The following CCDC6 variants were observed in gnomAD, a reference collection of about 807,000 sequenced individuals.
The protein encoded by CCDC6 is coiled-coil domain-containing protein 6.
CCDC6 carries 20 observed loss-of-function variants against 56.6 expected under a neutral mutation model. The ratio of observed to expected loss-of-function variants is 0.35; its 90% CI spans 0.25 to 0.51. The LOEUF is 0.51. CCDC6 is among the 20% of genes least tolerant of loss of function. The pLI, the probability that CCDC6 is intolerant of heterozygous loss-of-function variation, is 0.95. For synonymous variants in CCDC6, 241 were observed against 234.4 expected (o/e 1.03, Z -0.26); for missense variants, 367 against 601.1 (o/e 0.61, Z 4.07).
chr10:59,867,788 G>T (rs997991162), intron 1 of CCDC6, among the ~76,000 whole-genome samples: 6 of 151,998 alleles, frequency 3.9e-5, no homozygotes, highest in Non-Finnish European at 8.8e-5. Context: ...GGCTGGTCTC[G>T]AACTCCCGGG....
chr10:59,861,486 A>C (rs2071128662), intron 1 of CCDC6, among the ~76,000 whole-genome samples: 1 of 152,068 alleles, frequency 6.6e-6, no homozygotes, highest in African/African-American at 2.4e-5. Context: ...TCAAGATACA[A>C]GACAACAGAA....
chr10:59,843,938 G>A (rs993599382), intron 2 of CCDC6, among the ~76,000 whole-genome samples: 12 of 152,068 alleles, frequency 7.9e-5, no homozygotes, highest in African/African-American at 2.7e-4. Context: ...TCCATACAAC[G>A]ACCAAAACCA....
At chr10:59,850,271 C>G (rs2071026546) in intron 2 of CCDC6, among the ~76,000 whole-genome samples, 1 of 152,142 alleles carries the variant, frequency 6.6e-6, no homozygotes, top group South Asian at 2.1e-4. Context: ...GTGCTGACGG[C>G]TGCACAACAA....
At chr10:59,862,977 C>T (rs1055819490) in intron 1 of CCDC6, among the ~76,000 whole-genome samples, 8 of 151,736 alleles carry the variant, frequency 5.3e-5, no homozygotes, top group Admixed American at 2.0e-4. Flanking sequence ...GGAAACACCC[C>T]GAATACCTAC....
Position 59,864,289 on chromosome 10 carries a change from T to C in CCDC6, c.304-11587A>G, listed in dbSNP as rs555244993. On this transcript the variant is annotated intron_variant, in intron 1 of 8. Coordinates refer to ENST00000263102, the MANE Select transcript of CCDC6 (RefSeq NM_005436.5). ...TCTTTATCACCTACTGCTACACTTA[T>C]CAGATGCAGAGTCCACTCAAACTGC... 5.3e-5 allele frequency among the ~76,000 whole-genome samples: 8 copies of C among 152,330 alleles called. No homozygotes were observed. In the East Asian group the frequency reaches 7.7e-4, roughly 15 times the overall value.
intron 1 of CCDC6, among the ~76,000 whole-genome samples, chr10:59,881,950 GGGCAAAA>G (rs925043170): frequency 6.6e-6 from 1 of 152,026 alleles, no homozygotes; most frequent in African/African-American, 2.4e-5. Context: ...TCAGATGGTT[GGGCAAAA>G]GGGAACAGAA....
intron 4 of CCDC6, among the ~76,000 whole-genome samples, chr10:59,813,019 G>A (rs1396976331): frequency 6.6e-6 from 1 of 152,070 alleles, no homozygotes; most frequent in Non-Finnish European, 1.5e-5. Flanking sequence ...CCTTTTAAAT[G>A]ACTATTAAAT....
chr10:59,862,584 C>CAT (rs1370945784), intron 1 of CCDC6, among the ~76,000 whole-genome samples: 1 of 145,996 alleles, frequency 6.8e-6, no homozygotes, highest in Admixed American at 6.8e-5. Context: ...CACACACACA[C>CAT]ATATATAAAA....
chr10:59,835,950 G>A (rs1183988526), intron 2 of CCDC6, among the ~76,000 whole-genome samples: 3 of 151,102 alleles, frequency 2.0e-5, no homozygotes, highest in Non-Finnish European at 4.4e-5. Context: ...AGCTACTCAG[G>A]AGACTGAGGT....
chr10:59,816,267 A>G (rs1308248947), intron 3 of CCDC6, among the ~76,000 whole-genome samples: 2 of 152,208 alleles, frequency 1.3e-5, no homozygotes, highest in African/African-American at 4.8e-5. Flanking sequence ...CTAAGTTTAG[A>G]GAAAAAAAGG....
Position 59,906,541 on chromosome 10 carries a change from G to T in CCDC6, c.-117C>A. 1 of 849,254 alleles carries T rather than the reference G, an allele frequency of 1.2e-6. No homozygotes were observed. Among genetic ancestry groups the T allele is most frequent in the Non-Finnish European group, 1.7e-6 (1 of 592,162 alleles). 52.6% of individuals were successfully genotyped at this position (849,254 alleles called of 1,614,324 possible). A position where few individuals can be genotyped will look rare whatever the true frequency, so the allele number is the denominator to read the frequency against. ...AGGGGAGCGCCGAGCTGAGCGCCTG[G>T]CACCAGGGCGCAGACTCGGAGCGGC... is the stretch of plus-strand genomic sequence containing the variant. On this transcript the variant is annotated 5_prime_UTR_variant, in exon 1 of 9. Coordinates refer to ENST00000263102, the MANE Select transcript of CCDC6 (RefSeq NM_005436.5).
At chr10:59,793,600 A>G (rs1248199234) in intron 8 of CCDC6, among the ~76,000 whole-genome samples, 4 of 152,166 alleles carry the variant, frequency 2.6e-5, no homozygotes, top group African/African-American at 7.2e-5. Context: ...CCTGGCCAAC[A>G]GGGCAAAACC....
chr10:59,860,176 G>C (rs2071116093), intron 1 of CCDC6, among the ~76,000 whole-genome samples: 1 of 152,278 alleles, frequency 6.6e-6, no homozygotes, highest in Admixed American at 6.5e-5. Flanking sequence ...GCTTCAGCAT[G>C]ACAGGCATAA....
chr10:59,889,472 G>A (rs576651401), intron 1 of CCDC6, among the ~76,000 whole-genome samples: 1 of 152,262 alleles, frequency 6.6e-6, no homozygotes, highest in South Asian at 2.1e-4. Flanking sequence ...AAACCTTTGA[G>A]TCTTCCAACC....
At chr10:59,882,046 CCAGG>C (rs2071341924) in intron 1 of CCDC6, among the ~76,000 whole-genome samples, 3 of 117,786 alleles carry the variant, frequency 2.5e-5, no homozygotes, top group South Asian at 2.8e-4. Context: ...GAAAGGAAAG[CCAGG>C]GGGAGAAGGA....
chr10:59,811,444 A>G (rs1279791834), intron 5 of CCDC6, among the ~76,000 whole-genome samples: 1 of 152,256 alleles, frequency 6.6e-6, no homozygotes, highest in Non-Finnish European at 1.5e-5. Flanking sequence ...GTTGTAGCAT[A>G]GCAACCAAAA....
intron 1 of CCDC6, among the ~76,000 whole-genome samples, chr10:59,856,101 C>G (rs146346492): frequency 2.6e-5 from 4 of 152,266 alleles, no homozygotes; most frequent in Admixed American, 2.6e-4. Context: ...TTAACATGGC[C>G]TAACACAGCT....
In CCDC6 at chr10:59,804,558, A is replaced by G. The variant is rs141192610; in HGVS notation, c.1005-38T>C. 86 of 1,140,904 alleles carry G rather than the reference A, an allele frequency of 7.5e-5. No individual in the cohort carries two copies. The African/African-American group carries it at 1.1e-3, about 15-fold the overall frequency. The allele number at this position is 1,140,904 out of a possible 1,614,324, so 70.7% of individuals were successfully genotyped here. A position where few individuals can be genotyped will look rare whatever the true frequency, so the allele number is the denominator to read the frequency against. On this transcript the variant is annotated intron_variant, in intron 6 of 8. Coordinates refer to ENST00000263102, the MANE Select transcript of CCDC6 (RefSeq NM_005436.5). Reference sequence around the variant, plus strand: ...AGGAGGAAACGATAAAACCACCTGCATTTAAATAGGCCTTAGGAGAGTTTT... The same window carrying G: ...AGGAGGAAACGATAAAACCACCTGCGTTTAAATAGGCCTTAGGAGAGTTTT...
At position 59,905,994 on chromosome 10, in the gene CCDC6, G is replaced by A. The variant is rs1372920431; in HGVS notation, c.303+128C>T. 4.9e-6 allele frequency: 4 copies of A among 809,146 alleles called. No homozygotes were observed. The East Asian group carries it at 1.1e-4, about 22-fold the overall frequency. The allele number at this position is 809,146 out of a possible 1,614,324, so 50.1% of individuals were successfully genotyped here. On this transcript the variant is annotated intron_variant, in intron 1 of 8. Coordinates refer to ENST00000263102, the MANE Select transcript of CCDC6 (RefSeq NM_005436.5). ...TCCTCCCGGAAGCCAGCAGGTCCCCGCAGGGAGTGTGCTCTCAGAGGGTCC... is the reference window on the plus strand; with the variant it reads ...TCCTCCCGGAAGCCAGCAGGTCCCCACAGGGAGTGTGCTCTCAGAGGGTCC...
Sources: gnomAD v4.1 joint callset for allele counts (sites outside exome capture counted in the v4.1 genomes callset) on GRCh38, gnomAD v4.1.1 for gene constraint, MANE v1.5 for transcripts, NCBI Gene and HGNC (gene_info 2026-07-23, HGNC 2026-07-21) for gene names.